Variants in UGT3A1 observed in about 807,000 individuals in gnomAD.
UGT3A1 encodes UDP-glycosyltransferase 3A1.
Under a neutral mutation model 37.6 loss-of-function variants are expected in UGT3A1, and 40 were observed. The observed-to-expected ratio is 1.06, with a 90% CI of 0.83 to 1.38. The LOEUF (loss-of-function observed/expected upper bound fraction) is 1.38. Ranked by LOEUF, UGT3A1 falls within the 40% of genes most tolerant of loss-of-function variation. The probability of loss-of-function intolerance (pLI) is 0.00; values close to 1 mark genes in which losing one functional copy is unlikely to be tolerated. For synonymous variants in UGT3A1, 256 were observed against 232.3 expected (o/e 1.10, Z -0.93); for missense variants, 642 against 634.2 (o/e 1.01, Z -0.13).
intron 4 of UGT3A1, among the ~76,000 whole-genome samples, chr5:35,963,224 G>T (rs1398271568): frequency 6.6e-6 from 1 of 152,162 alleles, no homozygotes; most frequent in Non-Finnish European, 1.5e-5. Flanking sequence ...TTTATGCCTG[G>T]AGCATGGCCT....
chr5:35,959,504 A>T (rs1739491712), intron 4 of UGT3A1, among the ~76,000 whole-genome samples: 1 of 152,194 alleles, frequency 6.6e-6, no homozygotes, highest in African/African-American at 2.4e-5. Flanking sequence ...AACAAAGAGA[A>T]AGCTTTCAAT....
At chr5:35,982,465 C>T (rs1035157422) in intron 2 of UGT3A1, among the ~76,000 whole-genome samples, 1 of 152,230 alleles carries the variant, frequency 6.6e-6, no homozygotes, top group Non-Finnish European at 1.5e-5. Context: ...GATTTAATGG[C>T]TTCCCTGCTG....
In UGT3A1 at chr5:35,986,056, C is replaced by T. The variant is rs537681344; in HGVS notation, c.196+2394G>A. On this transcript the variant is annotated intron_variant, in intron 2 of 6. Coordinates refer to ENST00000274278, the MANE Select transcript of UGT3A1 (RefSeq NM_152404.4). The stretch of plus-strand genomic sequence containing the variant: ...GAAAAAGATCTGAATAGACATTTCT[C>T]AAAATAACCAACAGATACATAAGAA... Among the ~76,000 whole-genome samples the T allele has an allele frequency of 2.0e-5, 3 of 152,160 alleles. No homozygotes were observed. The South Asian group carries it at 6.2e-4, about 32-fold the overall frequency.
chr5:35,963,517 A>G (rs1216761558), intron 4 of UGT3A1, among the ~76,000 whole-genome samples: 2 of 152,164 alleles, frequency 1.3e-5, no homozygotes, highest in Non-Finnish European at 2.9e-5. Flanking sequence ...GGGAAAAGGA[A>G]CCCTCTCGAT....
chr5:35,987,354 A>C (rs1026831905), intron 2 of UGT3A1, among the ~76,000 whole-genome samples: 2 of 152,264 alleles, frequency 1.3e-5, no homozygotes, highest in Middle Eastern at 3.4e-3. Flanking sequence ...ACTCTAGAAC[A>C]CTTGAACCCC....
chr5:35,971,228 A>G (rs1419964701), intron 2 of UGT3A1, among the ~76,000 whole-genome samples: 1 of 152,144 alleles, frequency 6.6e-6, no homozygotes, highest in Non-Finnish European at 1.5e-5. Flanking sequence ...CATTCAAGAC[A>G]TACACAGGGT....
chr5:35,987,390 G>C (rs927179925), intron 2 of UGT3A1, among the ~76,000 whole-genome samples: 1 of 152,106 alleles, frequency 6.6e-6, no homozygotes, highest in Non-Finnish European at 1.5e-5. Context: ...AGATAAAGCT[G>C]AACAGATTCA....
At chr5:35,968,255 T>C (rs1051960425) in intron 2 of UGT3A1, 122 bp from the exon 3 acceptor site, 116 of 647,664 alleles carry the variant, frequency 1.8e-4, no homozygotes, top group Non-Finnish European at 5.0e-5. Context: ...TAAAGTTTTA[T>C]GTTGATTTGG....
At chr5:35,957,845 G>C (rs952437125) in intron 4 of UGT3A1, among the ~76,000 whole-genome samples, 1 of 152,184 alleles carries the variant, frequency 6.6e-6, no homozygotes, top group Non-Finnish European at 1.5e-5. Flanking sequence ...GTAGTCTGCT[G>C]TTGTTGGGTG....
At chr5:35,980,534 A>T (rs1380934732) in intron 2 of UGT3A1, among the ~76,000 whole-genome samples, 2 of 152,230 alleles carry the variant, frequency 1.3e-5, no homozygotes, top group East Asian at 3.9e-4. Flanking sequence ...ATATGTCAGA[A>T]CACTACCATG....
chr5:35,959,528 T>C (rs1451152167), intron 4 of UGT3A1, among the ~76,000 whole-genome samples: 1 of 152,034 alleles, frequency 6.6e-6, no homozygotes, highest in Non-Finnish European at 1.5e-5. Flanking sequence ...AAACAGGAAA[T>C]TTTTGGAGCT....
chr5:35,991,061 C>T, intron 1 of UGT3A1, 86 bp downstream of exon 1: 1 of 1,613,518 alleles, frequency 6.2e-7, no homozygotes, highest in Non-Finnish European at 8.5e-7. Flanking sequence ...GCCTGGATAA[C>T]TCTGATCAAT....
At position 35,965,543 on chromosome 5, in the gene UGT3A1, A is replaced by T. The variant is rs1476936784; in HGVS notation, c.686T>A (p.Phe229Tyr). ...STFDNTIKEH[F>Y]PEGSRPVLSH... The stretch of plus-strand genomic sequence containing the variant: ...CAAAACTGGCCTAGAGCCTTCTGGG[A>T]AATGCTCCTTGATGGTGTTGTCAAA... Residue 229 changes from phenylalanine to tyrosine, a missense_variant, in exon 4 of 7, where the codon TTC becomes TAC. Physicochemically the swap from Phe to Tyr is conservative, Grantham distance 22. Transcript: ENST00000274278. 7 of 1,614,220 alleles carry T rather than the reference A, an allele frequency of 4.3e-6. No individual in the cohort carries two copies. Among genetic ancestry groups the T allele is most frequent in the Non-Finnish European group, 5.1e-6 (6 of 1,180,036 alleles).
At chr5:35,964,109 A>G (rs1739701144) in intron 4 of UGT3A1, among the ~76,000 whole-genome samples, 1 of 152,166 alleles carries the variant, frequency 6.6e-6, no homozygotes, top group South Asian at 2.1e-4. Context: ...AAAGTGGTAT[A>G]TTTTATATTA....
chr5:35,990,944 CT>C, intron 1 of UGT3A1: 1 of 1,452,768 alleles, frequency 6.9e-7, no homozygotes, highest in Non-Finnish European at 9.1e-7. Flanking sequence ...AGTGTCTTTT[CT>C]CAAAAACTGT....
intron 2 of UGT3A1, among the ~76,000 whole-genome samples, chr5:35,987,843 TCTC>T (rs1352036248): frequency 6.6e-6 from 1 of 152,210 alleles, no homozygotes; most frequent in African/African-American, 2.4e-5. Flanking sequence ...TGGACCTCCG[TCTC>T]CTTGTCTGTC....
In UGT3A1 at chr5:35,968,027, C is replaced by T; in HGVS notation, c.303G>A (p.Leu101=). 6.2e-7 allele frequency: 1 copy of T among 1,611,026 alleles called. No homozygotes were observed. The highest frequency in any genetic ancestry group is 1.7e-5 in the Admixed American group (1 of 59,852). The change falls in exon 3 of 7, where the codon TTG becomes TTA. Residue 101 remains leucine (L), a synonymous_variant. Coordinates refer to ENST00000274278, the MANE Select transcript of UGT3A1 (RefSeq NM_152404.4). ...GAATGAAAAGAAGTTACCTGCCATC[C>T]AATGCTGTTTCTATGTAGCTATCAA... The part of the protein sequence containing the change: ...KHFDSYIETA[L]DGRKESEALV...
At chr5:35,986,305 C>A (rs1178071640) in intron 2 of UGT3A1, among the ~76,000 whole-genome samples, 1 of 152,046 alleles carries the variant, frequency 6.6e-6, no homozygotes, top group Non-Finnish European at 1.5e-5. Context: ...TATGATGCAG[C>A]AATTCCACTA....
upstream of UGT3A1, chr5:35,991,543 T>C: frequency 8.8e-7 from 1 of 1,131,120 alleles, no homozygotes. Context: ...CTGTCCTATC[T>C]GGAAAATCCT....
Sources: allele counts gnomAD v4.1 joint callset (sites outside exome capture counted in the v4.1 genomes callset), GRCh38; gene constraint gnomAD v4.1.1; transcripts MANE v1.5; gene names NCBI Gene and HGNC (gene_info 2026-07-23, HGNC 2026-07-21).